ABTB3: variants seen among roughly 807,000 people sequenced by gnomAD.
The protein encoded by ABTB3 is ankyrin repeat- and BTB/POZ domain-containing protein 3.
the ABTB3 span, among the ~76,000 whole-genome samples, chr12:107,583,102 C>A: frequency 6.6e-6 from 1 of 152,166 alleles, no homozygotes; most frequent in Middle Eastern, 3.2e-3. Flanking sequence ...CTCTCTGGAC[C>A]TTAGTTTTCC....
the ABTB3 span, among the ~76,000 whole-genome samples, chr12:107,329,401 G>A: frequency 6.6e-6 from 1 of 152,192 alleles, no homozygotes; most frequent in Admixed American, 6.5e-5. Context: ...ATGTCGTTGA[G>A]AGAATAAAAT....
chr12:107,537,528 G>GA, the ABTB3 span, among the ~76,000 whole-genome samples: 5 of 150,662 alleles, frequency 3.3e-5, no homozygotes, highest in East Asian at 1.9e-4. Flanking sequence ...AACTGAAAAG[G>GA]AAAAAAAAAG....
At chr12:107,402,916 G>T in the ABTB3 span, among the ~76,000 whole-genome samples, 2 of 152,150 alleles carry the variant, frequency 1.3e-5, no homozygotes, top group Non-Finnish European at 2.9e-5. Context: ...CTGTCCTGCT[G>T]CTGGCTTGTC....
chr12:107,377,684 A>G, the ABTB3 span, among the ~76,000 whole-genome samples: 2 of 152,212 alleles, frequency 1.3e-5, no homozygotes, highest in Non-Finnish European at 2.9e-5. Flanking sequence ...AACATACACC[A>G]TGGTCATTTC....
At chr12:107,642,944 GCAA>G in the ABTB3 span, among the ~76,000 whole-genome samples, 1 of 152,028 alleles carries the variant, frequency 6.6e-6, no homozygotes, top group African/African-American at 2.4e-5. Flanking sequence ...ATCCTGCTCT[GCAA>G]CAACGTTCTT....
the ABTB3 span, among the ~76,000 whole-genome samples, chr12:107,476,446 G>T: frequency 6.6e-6 from 1 of 152,122 alleles, no homozygotes; most frequent in African/African-American, 2.4e-5. Context: ...TTGTTTGCCT[G>T]GAGGTGAAAC....
the ABTB3 span, among the ~76,000 whole-genome samples, chr12:107,367,064 T>G: frequency 2.0e-5 from 3 of 152,214 alleles, no homozygotes; most frequent in East Asian, 5.8e-4. Flanking sequence ...CACAGGTGAT[T>G]TGCTTAGATT....
the ABTB3 span, among the ~76,000 whole-genome samples, chr12:107,482,985 T>TTTCC: frequency 4.2e-4 from 9 of 21,210 alleles, no homozygotes; most frequent in African/African-American, 7.1e-4. Flanking sequence ...TCTTTCTTTC[T>TTTCC]TTCCTTCCTT....
At chr12:107,601,125 T>C in the ABTB3 span, among the ~76,000 whole-genome samples, 2 of 152,232 alleles carry the variant, frequency 1.3e-5, no homozygotes, top group African/African-American at 4.8e-5. Context: ...TTAAACCTCA[T>C]TGCAGATGTA....
the ABTB3 span, among the ~76,000 whole-genome samples, chr12:107,629,261 A>AAC: frequency 6.6e-6 from 1 of 152,110 alleles, no homozygotes; most frequent in East Asian, 1.9e-4. Context: ...CACACACACT[A>AAC]ACACACACAC....
chr12:107,319,940 C>T, the ABTB3 span: 2 of 1,551,924 alleles, frequency 1.3e-6, no homozygotes, highest in Non-Finnish European at 1.7e-6. Context: ...CAACCACCAC[C>T]ATCACCACCA....
the ABTB3 span, among the ~76,000 whole-genome samples, chr12:107,544,827 C>T: frequency 6.6e-6 from 1 of 152,182 alleles, no homozygotes; most frequent in African/African-American, 2.4e-5. Flanking sequence ...GCTCTGTGAT[C>T]CTGACTGCCT....
At chr12:107,647,222 C>G in the ABTB3 span, among the ~76,000 whole-genome samples, 1 of 152,150 alleles carries the variant, frequency 6.6e-6, no homozygotes, top group Non-Finnish European at 1.5e-5. Flanking sequence ...CCCAGCTACT[C>G]AGGAGGCTGA....
At chr12:107,647,354 C>G in the ABTB3 span, among the ~76,000 whole-genome samples, 1 of 151,688 alleles carries the variant, frequency 6.6e-6, no homozygotes. Flanking sequence ...TAAATTAAAA[C>G]ATTAGCCAGG....
chr12:107,469,936 T>C, the ABTB3 span, among the ~76,000 whole-genome samples: 3,076 of 60,024 alleles, frequency 0.051, 297 homozygotes, highest in African/African-American at 0.13. Context: ...CTCTCTCTCT[T>C]TCTTTCTCTT....
At chr12:107,497,228 C>G in the ABTB3 span, among the ~76,000 whole-genome samples, 45,415 of 137,972 alleles carry the variant, frequency 0.33, 8,853 homozygotes, top group African/African-American at 0.58. Flanking sequence ...CCCACCTCTA[C>G]GCTCACCACC....
the ABTB3 span, among the ~76,000 whole-genome samples, chr12:107,371,239 G>T: frequency 2.6e-5 from 4 of 152,116 alleles, no homozygotes; most frequent in Non-Finnish European, 4.4e-5. Flanking sequence ...CCATCTCTAG[G>T]TTGCTTCTGC....
At chr12:107,450,578 G>T in the ABTB3 span, among the ~76,000 whole-genome samples, 1 of 152,178 alleles carries the variant, frequency 6.6e-6, no homozygotes, top group African/African-American at 2.4e-5. Context: ...GCATTCAGTG[G>T]TCTAGGACAA....
At chr12:107,651,808 G>T in the ABTB3 span, 15 of 1,597,274 alleles carry the variant, frequency 9.4e-6, no homozygotes, top group South Asian at 1.1e-5. Context: ...TCATTCTCGC[G>T]CAGTGCGCAC....
Sources: allele counts gnomAD v4.1 joint callset (sites outside exome capture counted in the v4.1 genomes callset), GRCh38; gene constraint gnomAD v4.1.1; transcripts MANE v1.5; gene names NCBI Gene and HGNC (gene_info 2026-07-23, HGNC 2026-07-21).